The following PLCG2 variants were observed in gnomAD, a reference collection of about 807,000 sequenced individuals.
PLCG2 encodes 1-phosphatidylinositol 4,5-bisphosphate phosphodiesterase gamma-2.
A neutral mutation model predicts 175.6 loss-of-function variants in PLCG2; 69 were observed. The observed-to-expected ratio is 0.39, with a 90% confidence interval of 0.32 to 0.48. The LOEUF (loss-of-function observed/expected upper bound fraction) is 0.48, where lower values mean the gene tolerates loss of function less well. Among genes scored for constraint, PLCG2 ranks in the 20% least tolerant of loss-of-function variants. The pLI, the probability that PLCG2 is intolerant of heterozygous loss-of-function variation, is 0.91. For synonymous variants in PLCG2, 827 were observed against 624.0 expected, an observed-to-expected ratio of 1.33 and a Z score of -4.85; for missense variants, 1,798 against 1,650.9, an observed-to-expected ratio of 1.09 and a Z score of -1.54.
Position 81,880,784 on chromosome 16 carries a change from AATG to A in PLCG2, c.649-123_649-121del. On this transcript the variant is annotated intron_variant, in intron 7 of 32. Transcript: ENST00000564138. ...AATATTTACAACTAACATCAACTAA[AATG>A]ATATTTTTAATGATCTTGTTGCATC... 3 of 830,390 alleles carry A rather than the reference AATG, an allele frequency of 3.6e-6. 1 individual carries two copies. In the South Asian group the frequency reaches 4.9e-5, roughly 14 times the overall value. 51.4% of individuals were successfully genotyped at this position (830,390 alleles called of 1,614,324 possible).
chr16:81,917,091 C>A (rs34456557), intron 19 of PLCG2, among the ~76,000 whole-genome samples: 53 of 152,330 alleles, frequency 3.5e-4, no homozygotes, highest in African/African-American at 1.3e-3. Flanking sequence ...CCATTCTACT[C>A]TCCACTTCCG....
intron 2 of PLCG2, among the ~76,000 whole-genome samples, chr16:81,843,821 A>G (rs926854400): frequency 1.3e-5 from 2 of 152,164 alleles, no homozygotes; most frequent in Admixed American, 6.5e-5. Flanking sequence ...TGAAAGAAGA[A>G]CTCAATAGAA....
intron 2 of PLCG2, among the ~76,000 whole-genome samples, chr16:81,827,982 T>G (rs143789176): frequency 0.013 from 1,918 of 150,362 alleles, 57 homozygotes; most frequent in African/African-American, 0.044. Flanking sequence ...CCCAGCTCTT[T>G]GAGAGGCTGA....
At chr16:81,948,407 C>T (rs1404263761) in intron 31 of PLCG2, among the ~76,000 whole-genome samples, 2 of 145,550 alleles carry the variant, frequency 1.4e-5, no homozygotes, top group African/African-American at 4.9e-5. Context: ...TTTGAGAAAA[C>T]TGGCTGCCCC....
chr16:81,842,270 C>G (rs1905875011), intron 2 of PLCG2, among the ~76,000 whole-genome samples: 1 of 152,192 alleles, frequency 6.6e-6, no homozygotes, highest in Non-Finnish European at 1.5e-5. Context: ...TCAGAGAAGC[C>G]TTTCTTCCCC....
chr16:81,882,272 C>T (rs996871662), intron 8 of PLCG2, among the ~76,000 whole-genome samples: 17 of 152,150 alleles, frequency 1.1e-4, no homozygotes, highest in Admixed American at 5.2e-4. Context: ...CTGGCCAAGG[C>T]GGGAGTCCTG....
chr16:81,925,454 G>T (rs889277690), intron 22 of PLCG2, among the ~76,000 whole-genome samples: 4 of 152,150 alleles, frequency 2.6e-5, no homozygotes, highest in Non-Finnish European at 5.9e-5. Flanking sequence ...AAATGGTGCG[G>T]GGGGGCGTGA....
intron 2 of PLCG2, among the ~76,000 whole-genome samples, chr16:81,758,781 G>T (rs1179832418): frequency 1.3e-5 from 2 of 151,620 alleles, no homozygotes; most frequent in Non-Finnish European, 2.9e-5. Flanking sequence ...AGGTTCAAGC[G>T]ATTCTCCTGC....
rs1051721524 is a variant in PLCG2, at chr16:81,960,511, C to G, written c.*2513C>G. 1 of 231,216 alleles carries G rather than the reference C, an allele frequency of 4.3e-6. No individual in the cohort carries two copies. Among genetic ancestry groups the G allele is most frequent in the Non-Finnish European group, 8.6e-6 (1 of 116,858 alleles). 14.3% of individuals were successfully genotyped at this position (231,216 alleles called of 1,614,324 possible). A position where few individuals can be genotyped will look rare whatever the true frequency, so the allele number is the denominator to read the frequency against. ...AAATAAAGTGGGGAGGCTGGTTAGG[C>G]CTTGTGAGTTTGGGAAACTTAGGTT... is the stretch of plus-strand genomic sequence containing the variant. On this transcript the variant is annotated 3_prime_UTR_variant, in exon 33 of 33. Coordinates refer to ENST00000564138, the MANE Select transcript of PLCG2 (RefSeq NM_002661.5).
chr16:81,873,404 A>G (rs1188279231), intron 7 of PLCG2, among the ~76,000 whole-genome samples: 3 of 152,276 alleles, frequency 2.0e-5, no homozygotes, highest in Admixed American at 1.3e-4. Context: ...CTTGAGAACA[A>G]TGACGTGTGT....
chr16:81,758,724 C>G (rs1034403315), intron 2 of PLCG2, among the ~76,000 whole-genome samples: 13 of 150,522 alleles, frequency 8.6e-5, no homozygotes, highest in African/African-American at 3.2e-4. Flanking sequence ...GTTGCCCAGG[C>G]TAGAGTGCAG....
intron 5 of PLCG2, among the ~76,000 whole-genome samples, chr16:81,861,809 T>C (rs1906996120): frequency 6.6e-6 from 1 of 152,162 alleles, no homozygotes. Context: ...CGGCTCTTCG[T>C]TTGTGAGGTC....
intron 5 of PLCG2, among the ~76,000 whole-genome samples, chr16:81,862,737 T>C (rs1432382703): frequency 2.0e-5 from 3 of 151,972 alleles, no homozygotes; most frequent in African/African-American, 4.8e-5. Context: ...CTGGGTGTAG[T>C]GGTGCACATT....
At chr16:81,816,800 C>A (rs920609190) in intron 2 of PLCG2, among the ~76,000 whole-genome samples, 16 of 151,716 alleles carry the variant, frequency 1.1e-4, no homozygotes, top group Non-Finnish European at 2.1e-4. Context: ...CGGTGCCCAG[C>A]CAGAAATTAT....
chr16:81,834,513 C>G (rs1038036589), intron 2 of PLCG2, among the ~76,000 whole-genome samples: 2 of 152,138 alleles, frequency 1.3e-5, no homozygotes, highest in Admixed American at 6.5e-5. Flanking sequence ...ATGGTAGTTA[C>G]TTAGGGCTTT....
chr16:81,910,800 A>C, intron 18 of PLCG2, 80 bp downstream of exon 18: 2 of 1,331,196 alleles, frequency 1.5e-6, no homozygotes, highest in Non-Finnish European at 2.1e-6. Flanking sequence ...CTGGTGGTTC[A>C]GCCGGGCCAG....
intron 1 of PLCG2, among the ~76,000 whole-genome samples, chr16:81,742,992 A>G (rs767110111): frequency 6.6e-6 from 1 of 152,130 alleles, no homozygotes; most frequent in African/African-American, 2.4e-5. Context: ...TTCACCTATT[A>G]TGTTTTATCG....
intron 13 of PLCG2, 112 bp from the exon 14 acceptor site, chr16:81,900,500 C>A: frequency 1.1e-6 from 1 of 936,068 alleles, no homozygotes; most frequent in Admixed American, 3.1e-5. Context: ...GTTGTGCCCC[C>A]CGAGCAGCGC....
In PLCG2 at chr16:81,919,608, C is replaced by A. The variant is rs1476496257; in HGVS notation, c.2179C>A (p.Arg727=). ...TTACTACGAGAAGCATTCACTCTAC[C>A]GAAAGATGAGACTGCGCTACCCCGT... ...VSYYEKHSLY[R]KMRLRYPVTP... Residue 727 remains arginine (R), a synonymous_variant, in exon 20 of 33, where the codon CGA becomes AGA. Transcript: ENST00000564138. The A allele has an allele frequency of 6.2e-7, 1 of 1,613,952 alleles. No individual in the cohort carries two copies. The highest frequency in any genetic ancestry group is 8.5e-7 in the Non-Finnish European group (1 of 1,180,008).
Sources: allele counts gnomAD v4.1 joint callset (sites outside exome capture counted in the v4.1 genomes callset), GRCh38; gene constraint gnomAD v4.1.1; transcripts MANE v1.5; gene names NCBI Gene and HGNC (gene_info 2026-07-23, HGNC 2026-07-21).